The following TRRAP variants were observed in gnomAD, a reference collection of about 807,000 sequenced individuals.
The protein encoded by TRRAP is transformation/transcription domain-associated protein.
A neutral mutation model predicts 438.8 loss-of-function variants in TRRAP; 41 were observed. The observed-to-expected ratio is 0.09, with a 90% CI of 0.07 to 0.12. TRRAP has a LOEUF of 0.12. TRRAP is among the 10% of genes least tolerant of loss of function. The probability of loss-of-function intolerance (pLI) is 1.00; values close to 1 mark genes in which losing one functional copy is unlikely to be tolerated. For missense variants in TRRAP, 3,122 were observed against 5,055.1 expected (o/e 0.62, Z 11.60); for synonymous variants, 1,994 against 1,962.9 (o/e 1.02, Z -0.42).
At chr7:98,980,353 C>T (rs972736324) in intron 58 of TRRAP, among the ~76,000 whole-genome samples, 22 of 151,886 alleles carry the variant, frequency 1.4e-4, no homozygotes, top group African/African-American at 5.1e-4. Context: ...CTGTAAACTT[C>T]CCATCATAGA....
Position 98,915,735 on chromosome 7 carries a change from A to G in TRRAP, c.2212A>G (p.Lys738Glu). ...NEQMLKPHLH[K>E]IVNSSMELAQ... is the part of the protein sequence containing the mutation. ...CTCCACCCCGCAGCCTCACTTGCAC[A>G]AGATTGTGAACAGCTCTATGGAGCT... is the stretch of plus-strand genomic sequence containing the variant. Residue 738 changes from lysine (K) to glutamate (E), a missense_variant, in exon 19 of 73, where the codon AAG (lysine) becomes GAG (glutamate). Lys to Glu is a moderately conservative substitution (Grantham distance 56, BLOSUM62 1). Coordinates refer to ENST00000456197, the MANE Select transcript of TRRAP (RefSeq NM_001375524.1). 6.2e-7 allele frequency: 1 copy of G among 1,613,730 alleles called. No individual in the cohort carries two copies. Among genetic ancestry groups the G allele is most frequent in the Non-Finnish European group, 8.5e-7 (1 of 1,179,782 alleles).
At position 98,953,397 on chromosome 7, in the gene TRRAP, C is replaced by T. The variant is rs782804379; in HGVS notation, c.5694C>T (p.Ile1898=). 73 of 1,612,760 alleles carry T rather than the reference C, an allele frequency of 4.5e-5. No individual in the cohort carries two copies. The highest frequency in any genetic ancestry group is 1.3e-4 in the African/African-American group (10 of 74,908). The change falls in exon 40 of 73, where the codon ATC becomes ATT. Residue 1898 remains isoleucine, a synonymous_variant. Transcript: ENST00000456197. Reference sequence around the variant, plus strand: ...GACACTTGCTCCTGGCGCACATTATCGCCAAATTCGCCATACACAAGAAGA... The same window carrying T: ...GACACTTGCTCCTGGCGCACATTATTGCCAAATTCGCCATACACAAGAAGA... ...YSGHLLLAHI[I]AKFAIHKKIV...
rs1793269086 is a variant in TRRAP at position 98,988,947 on chromosome 7, C to T, written c.9572C>T (p.Ser3191Leu). 2 of 1,613,600 alleles carry T rather than the reference C, an allele frequency of 1.2e-6. No individual in the cohort carries two copies. The highest frequency in any genetic ancestry group is 1.7e-6 in the Non-Finnish European group (2 of 1,179,906). The part of the protein sequence containing the change: ...HACRHQNESK[S>L]RKYLAKVLWL... ...TGCCGGCATCAGAACGAGAGCAAAT[C>T]GAGGAAATACTTAGCCAAGGTGAGA... The change falls in exon 63 of 73, where the codon TCG (serine) becomes TTG (leucine). Residue 3191 changes from serine to leucine, a missense_variant. Ser to Leu is a moderately radical substitution (Grantham distance 145). Transcript: ENST00000456197.
At position 98,949,450 on chromosome 7, in the gene TRRAP, C is replaced by T. The variant is rs1554417636; in HGVS notation, c.4822C>T (p.Arg1608Trp). ...FLKHKDARPL[R>W]DVLAANPNRF... ...AAAACACAAAGACGCCAGACCTCTG[C>T]GGGATGTGCTGGCTGCCAACCCCAA... Residue 1608 changes from arginine to tryptophan, a missense_variant, in exon 36 of 73, where the codon CGG becomes TGG. By Grantham distance (101) the Arg-to-Trp change is moderately radical. Transcript: ENST00000456197. 2 of 1,599,480 alleles carry T rather than the reference C, an allele frequency of 1.3e-6. No individual in the cohort carries two copies. Among genetic ancestry groups the T allele is most frequent in the Non-Finnish European group, 8.5e-7 (1 of 1,175,130 alleles).
chr7:98,889,639 C>T (rs1795877012), intron 3 of TRRAP, among the ~76,000 whole-genome samples: 1 of 151,728 alleles, frequency 6.6e-6, no homozygotes, highest in South Asian at 2.1e-4. Flanking sequence ...CCTTGAACTC[C>T]CAGTCTGAAG....
At position 98,930,642 on chromosome 7, in the gene TRRAP, C is replaced by A; in HGVS notation, c.3403C>A (p.Leu1135Met). The change falls in exon 25 of 73, where the codon CTG (leucine) becomes ATG (methionine). Residue 1135 changes from leucine to methionine, a missense_variant. Around this residue, in one of 24 missense-constraint regions of TRRAP, gnomAD observed 153 missense variants for 223.0 expected, o/e 0.69. Transcript: ENST00000456197. ...ILGSKERACQ[L>M]PLFSYIVERL... ...TCATTTTCCTCTCCAGGCCTGCCAG[C>A]TGCCCCTGTTTTCTTACATCGTGGA... 1 of 1,613,626 alleles carries A rather than the reference C, an allele frequency of 6.2e-7. No individual in the cohort carries two copies. The highest frequency in any genetic ancestry group is 8.5e-7 in the Non-Finnish European group (1 of 1,179,998).
chr7:98,899,779 CTG>C lies in TRRAP; in HGVS notation c.800+14_800+15del, dbSNP rs782682042. On this transcript the variant is annotated intron_variant, in intron 10 of 72. Coordinates refer to ENST00000456197, the MANE Select transcript of TRRAP (RefSeq NM_001375524.1). ...TCTGCACAAGCGAGGTGAGGCGTCA[CTG>C]TAGCCGGCTGCCACAGTGCCTGGAT... The C allele has an allele frequency of 6.2e-7, 1 of 1,612,936 alleles. No homozygotes were observed. Among genetic ancestry groups the C allele is most frequent in the East Asian group, 2.2e-5 (1 of 44,854 alleles).
chr7:98,947,818 C>T (rs879947079), intron 33 of TRRAP, among the ~76,000 whole-genome samples: 5 of 152,292 alleles, frequency 3.3e-5, no homozygotes, highest in East Asian at 3.9e-4. Flanking sequence ...GAGAGGACCT[C>T]GTGATACCTT....
Position 98,908,031 on chromosome 7 carries a change from A to G in TRRAP, c.1116-697A>G, listed in dbSNP as rs897497865. ...TTCTTCCATCTGGAAATTTCCCTGG[A>G]TTTTTGCCTTATGGCCCCTTTTTGT... On this transcript the variant is annotated intron_variant, in intron 13 of 72. Coordinates refer to ENST00000456197, the MANE Select transcript of TRRAP (RefSeq NM_001375524.1). This position sits in a 1 kb window ranked among gnomAD's most constrained non-coding sequence, Gnocchi z 4.1. Among the ~76,000 whole-genome samples the G allele has an allele frequency of 6.6e-6, 1 of 152,038 alleles. No individual in the cohort carries two copies. The highest frequency in any genetic ancestry group is 6.6e-5 in the Admixed American group (1 of 15,266).
At chr7:98,945,656 C>T in intron 31 of TRRAP, 91 bp from the exon 32 acceptor site, 1 of 1,451,946 alleles carries the variant, frequency 6.9e-7, no homozygotes, top group East Asian at 2.3e-5. Context: ...GTCTTGTTAA[C>T]CCCAATAACC....
rs1554413416 is a variant in TRRAP at position 98,933,354 on chromosome 7, C to T, written c.3966C>T (p.Leu1322=). ...NTFCTTLQPR[L]FTMDLNVVEH... ...TCTGTACCACGTTGCAGCCCAGGCTCTTCACAATGGACCTTAACGTGGTGG... is the reference window on the plus strand; with the variant it reads ...TCTGTACCACGTTGCAGCCCAGGCTTTTCACAATGGACCTTAACGTGGTGG... Residue 1322 remains leucine (L), a synonymous_variant, in exon 27 of 73, where the codon CTC becomes CTT. Coordinates refer to ENST00000456197, the MANE Select transcript of TRRAP (RefSeq NM_001375524.1). 3.1e-6 allele frequency: 5 copies of T among 1,614,150 alleles called. No homozygotes were observed. Among genetic ancestry groups the T allele is most frequent in the Admixed American group, 1.7e-5 (1 of 60,016 alleles).
chr7:98,948,496 T>G lies in TRRAP; in HGVS notation c.4669-70T>G, dbSNP rs782081938. The G allele has an allele frequency of 2.1e-5, 34 of 1,613,262 alleles. No individual in the cohort carries two copies. Among genetic ancestry groups the G allele is most frequent in the Non-Finnish European group, 2.8e-5 (33 of 1,179,926 alleles). Reference sequence around the variant, plus strand: ...CATGCACTCCAGTAACAAGGGACCTTGTTAGGTAGACAGCCTCAAGCTCTG... The same window carrying G: ...CATGCACTCCAGTAACAAGGGACCTGGTTAGGTAGACAGCCTCAAGCTCTG... On this transcript the variant is annotated intron_variant, in intron 34 of 72. Transcript: ENST00000456197. This position sits in a 1 kb window ranked among gnomAD's most constrained non-coding sequence, Gnocchi z 4.9.
At chr7:98,937,112 C>A in intron 28 of TRRAP, 44 bp from the exon 29 acceptor site, 1 of 1,556,402 alleles carries the variant, frequency 6.4e-7, no homozygotes, top group Non-Finnish European at 8.7e-7. Flanking sequence ...ATTTGGGCAT[C>A]TTTCCAGTTA....
intron 63 of TRRAP, among the ~76,000 whole-genome samples, chr7:98,990,070 A>T (rs1793326731): frequency 1.3e-5 from 2 of 152,136 alleles, no homozygotes; most frequent in African/African-American, 4.8e-5. Context: ...TCTACTAAAA[A>T]TACAAAAATT....
chr7:99,005,636 C>T lies in TRRAP; in HGVS notation c.10753+288C>T, dbSNP rs182660610. 4.6e-5 allele frequency among the ~76,000 whole-genome samples: 7 copies of T among 152,154 alleles called. No homozygotes were observed. In the East Asian group the frequency reaches 7.7e-4, roughly 17 times the overall value. On this transcript the variant is annotated intron_variant, in intron 69 of 72. Transcript: ENST00000456197. This position sits in a 1 kb window ranked among gnomAD's most constrained non-coding sequence, Gnocchi z 5.1. ...GCCCACGATGCCTTTGAATGTGGTTCGACACAAATTCGTCAACTTTCTTAG... is the reference window on the plus strand; with the variant it reads ...GCCCACGATGCCTTTGAATGTGGTTTGACACAAATTCGTCAACTTTCTTAG...
chr7:98,923,230 C>A (rs781996969), intron 21 of TRRAP, among the ~76,000 whole-genome samples: 2 of 152,180 alleles, frequency 1.3e-5, no homozygotes, highest in Admixed American at 1.3e-4. Context: ...AAGCTCCCCC[C>A]ACCCCCAAAA....
intron 12 of TRRAP, among the ~76,000 whole-genome samples, chr7:98,904,366 C>G (rs958805618): frequency 2.0e-5 from 3 of 151,594 alleles, no homozygotes. Flanking sequence ...ACCTGTAGTC[C>G]CAGCTGCTTG....
intron 70 of TRRAP, among the ~76,000 whole-genome samples, chr7:99,009,964 C>T (rs147157367): frequency 0.03 from 4,531 of 150,860 alleles, 99 homozygotes; most frequent in South Asian, 0.056. Flanking sequence ...CTCGGCTCAC[C>T]GCATCCTCCG....
At chr7:98,914,012 C>T (rs1554409188) in intron 18 of TRRAP, among the ~76,000 whole-genome samples, 1 of 152,180 alleles carries the variant, frequency 6.6e-6, no homozygotes, top group Non-Finnish European at 1.5e-5. Flanking sequence ...ACACAGAGCT[C>T]CAGTAACCTG....
Sources: gnomAD v4.1 joint callset for allele counts (sites outside exome capture counted in the v4.1 genomes callset) on GRCh38, gnomAD v4.1.1 for gene constraint, gnomAD v4.1.1 regional missense constraint, Gnocchi (gnomAD v3.1) non-coding constraint, MANE v1.5 for transcripts, NCBI Gene and HGNC (gene_info 2026-07-23, HGNC 2026-07-21) for gene names.